Variants in USO1 observed in about 807,000 individuals in gnomAD.
USO1 encodes the protein USO1 vesicle transport factor, also known as general vesicular transport factor p115.
USO1 carries 57 observed loss-of-function variants against 124.5 expected under a neutral mutation model. The ratio of observed to expected loss-of-function variants is 0.46; its 90% CI spans 0.37 to 0.57. The LOEUF is 0.57. Ranked by LOEUF, USO1 falls within the 20% of genes least tolerant of loss-of-function variation. The probability of loss-of-function intolerance (pLI) is 0.00; values close to 1 mark genes in which losing one functional copy is unlikely to be tolerated. For synonymous variants in USO1, 369 were observed against 362.8 expected (o/e 1.02, Z -0.19); for missense variants, 900 against 1,040.6 (o/e 0.86, Z 1.86).
intron 11 of USO1, 57 bp downstream of exon 11, chr4:75,790,295 A>G (rs1181732665): frequency 1.9e-6 from 3 of 1,544,466 alleles, no homozygotes; most frequent in East Asian, 4.9e-5. Context: ...TGGGTTGTTA[A>G]TGTATCTCAT....
chr4:75,739,565 G>C (rs1301928684), intron 1 of USO1, among the ~76,000 whole-genome samples: 1 of 113,698 alleles, frequency 8.8e-6, no homozygotes, highest in Non-Finnish European at 1.7e-5. Flanking sequence ...TTTTGAGACA[G>C]AGTCTGACTC....
chr4:75,789,776 C>T (rs1722474392), intron 10 of USO1, among the ~76,000 whole-genome samples: 2 of 150,632 alleles, frequency 1.3e-5, no homozygotes, highest in African/African-American at 2.4e-5. Context: ...ATTTTAAAAC[C>T]TTTTTCTGTT....
intron 11 of USO1, 105 bp downstream of exon 11, chr4:75,790,343 T>C: frequency 2.1e-6 from 3 of 1,402,366 alleles, no homozygotes; most frequent in Non-Finnish European, 2.8e-6. Flanking sequence ...TTTAGTTGTA[T>C]GTTTTGGAAC....
intron 9 of USO1, among the ~76,000 whole-genome samples, chr4:75,786,021 A>C (rs985745289): frequency 1.3e-5 from 2 of 152,190 alleles, no homozygotes; most frequent in Non-Finnish European, 2.9e-5. Context: ...TAAGCCAGAC[A>C]TGGAAACATC....
intron 3 of USO1, 68 bp from the exon 4 acceptor site, chr4:75,757,429 C>A: frequency 7.5e-7 from 1 of 1,333,036 alleles, no homozygotes. Flanking sequence ...TGCTAAATAA[C>A]TAAAAATGGT....
chr4:75,795,883 T>G lies in USO1; in HGVS notation c.1452+1982T>G, dbSNP rs974793463. On this transcript the variant is annotated intron_variant, in intron 13 of 23. Coordinates refer to ENST00000514213, the MANE Select transcript of USO1 (RefSeq NM_003715.4). ...CATATGCTACAGCTACCACTGAGGATTCGTTTTTGTTGTGTGTGGGGAAAG... is the reference window on the plus strand; with the variant it reads ...CATATGCTACAGCTACCACTGAGGAGTCGTTTTTGTTGTGTGTGGGGAAAG... 5.9e-5 allele frequency among the ~76,000 whole-genome samples: 9 copies of G among 151,320 alleles called. No homozygotes were observed. In the Admixed American group the frequency reaches 6.0e-4, roughly 10 times the overall value.
chr4:75,749,140 T>A (rs552543184), intron 1 of USO1, among the ~76,000 whole-genome samples: 1 of 152,074 alleles, frequency 6.6e-6, no homozygotes, highest in Non-Finnish European at 1.5e-5. Context: ...GAAATGCAAA[T>A]CAGCAATTGT....
At chr4:75,776,924 A>G (rs546769817) in intron 8 of USO1, among the ~76,000 whole-genome samples, 1 of 152,216 alleles carries the variant, frequency 6.6e-6, no homozygotes, top group Non-Finnish European at 1.5e-5. Flanking sequence ...GTGTATATTT[A>G]TGTACTAATC....
intron 1 of USO1, among the ~76,000 whole-genome samples, chr4:75,750,924 T>C (rs1721281854): frequency 6.6e-6 from 1 of 152,226 alleles, no homozygotes; most frequent in Non-Finnish European, 1.5e-5. Flanking sequence ...ATATGCACAG[T>C]CTGATACTTT....
chr4:75,777,826 G>A (rs745353242), intron 8 of USO1, among the ~76,000 whole-genome samples: 9 of 152,116 alleles, frequency 5.9e-5, no homozygotes, highest in East Asian at 1.9e-4. Flanking sequence ...CAACAATCAC[G>A]CTCTTTGGTA....
At chr4:75,726,594 T>A (rs928062818) in intron 1 of USO1, among the ~76,000 whole-genome samples, 1 of 151,216 alleles carries the variant, frequency 6.6e-6, no homozygotes, top group African/African-American at 2.4e-5. Flanking sequence ...ACTGCGCAGG[T>A]CTGGTTAGAA....
intron 20 of USO1, among the ~76,000 whole-genome samples, chr4:75,807,799 TTTAA>T (rs1354434967): frequency 2.0e-5 from 3 of 152,302 alleles, no homozygotes; most frequent in South Asian, 2.1e-4. Flanking sequence ...CCAGTGAAAC[TTTAA>T]TTAGATATTT....
chr4:75,786,096 AT>A (rs1001262517), intron 9 of USO1, among the ~76,000 whole-genome samples: 6 of 152,090 alleles, frequency 3.9e-5, no homozygotes, highest in Admixed American at 6.5e-5. Context: ...AATTCTAGTG[AT>A]TTCTGGTTAC....
chr4:75,768,764 G>A (rs1483663993), intron 4 of USO1, among the ~76,000 whole-genome samples: 2 of 152,126 alleles, frequency 1.3e-5, no homozygotes, highest in Admixed American at 1.3e-4. Context: ...TAGCTGTAAG[G>A]TTTTTGTAGT....
intron 12 of USO1, among the ~76,000 whole-genome samples, chr4:75,791,325 A>T (rs1428734982): frequency 6.6e-6 from 1 of 152,202 alleles, no homozygotes. Context: ...GGAGTTCGAG[A>T]CCAGCCTAGC....
chr4:75,778,055 A>G (rs1722118698), intron 8 of USO1, among the ~76,000 whole-genome samples: 1 of 152,198 alleles, frequency 6.6e-6, no homozygotes, highest in Non-Finnish European at 1.5e-5. Context: ...CCATAAAGGC[A>G]TATTGCTGAG....
chr4:75,771,060 T>G lies in USO1; in HGVS notation c.500-22T>G, dbSNP rs1333678377. ...TTGTATTTTTGGTCTGCCAGCATTTTTCACATGGTTGTATGTTCTAGGTGT... is the reference window on the plus strand; with the variant it reads ...TTGTATTTTTGGTCTGCCAGCATTTGTCACATGGTTGTATGTTCTAGGTGT... On this transcript the variant is annotated intron_variant, in intron 6 of 23. Transcript: ENST00000514213. 4 of 1,603,684 alleles carry G rather than the reference T, an allele frequency of 2.5e-6. No homozygotes were observed. In the South Asian group the frequency reaches 4.5e-5, roughly 18 times the overall value.
chr4:75,744,931 A>G (rs1287786943), intron 1 of USO1: 1 of 506,998 alleles, frequency 2.0e-6, no homozygotes, highest in Non-Finnish European at 3.9e-6. Context: ...AATTTCTAGA[A>G]GTTGAATTCC....
intron 1 of USO1, among the ~76,000 whole-genome samples, chr4:75,734,250 C>T (rs910478072): frequency 5.9e-5 from 9 of 151,738 alleles, no homozygotes; most frequent in Non-Finnish European, 7.4e-5. Context: ...AGCCTCTTCT[C>T]GGCTTTTTAT....
Sources: gnomAD v4.1 joint callset for allele counts (sites outside exome capture counted in the v4.1 genomes callset) on GRCh38, gnomAD v4.1.1 for gene constraint, MANE v1.5 for transcripts, NCBI Gene and HGNC (gene_info 2026-07-23, HGNC 2026-07-21) for gene names.